The following DHX32 variants were observed in gnomAD, a reference collection of about 807,000 sequenced individuals.
The protein encoded by DHX32 is DEAH-box helicase 32 (putative).
DHX32 carries 51 observed loss-of-function variants against 70.0 expected under a neutral mutation model. The ratio of observed to expected loss-of-function variants is 0.73; its 90% CI spans 0.58 to 0.92. The LOEUF (loss-of-function observed/expected upper bound fraction) is 0.92, where lower values mean the gene tolerates loss of function less well. Ranked by LOEUF, DHX32 falls within the 40% of genes least tolerant of loss-of-function variation. The pLI is 0.00. For missense variants in DHX32, 762 were observed against 891.8 expected (o/e 0.85, Z 1.85); for synonymous variants, 310 against 315.3 (o/e 0.98, Z 0.18).
Position 125,866,951 on chromosome 10 carries a change from A to C in DHX32, c.476+39T>G. 1 of 1,580,556 alleles carries C rather than the reference A, an allele frequency of 6.3e-7. No individual in the cohort carries two copies. The highest frequency in any genetic ancestry group is 8.6e-7 in the Non-Finnish European group (1 of 1,159,266). On this transcript the variant is annotated intron_variant, in intron 2 of 10. Coordinates refer to ENST00000284690, the MANE Select transcript of DHX32 (RefSeq NM_018180.3). This position sits in a 1 kb window ranked among gnomAD's most constrained non-coding sequence, Gnocchi z 4.8. ...TCAGAATTGTAGAACCTAAGCCAAGAATCATCAGCAGGGAGCGGACTGAAC... is the reference window on the plus strand; with the variant it reads ...TCAGAATTGTAGAACCTAAGCCAAGCATCATCAGCAGGGAGCGGACTGAAC...
chr10:125,836,870 CA>C lies in DHX32; in HGVS notation c.2064-16del. On this transcript the variant is annotated splice_polypyrimidine_tract_variant and intron_variant, in intron 10 of 10. Coordinates refer to ENST00000284690, the MANE Select transcript of DHX32 (RefSeq NM_018180.3). The stretch of plus-strand genomic sequence containing the variant: ...GCTGCATAAATCTGTTTATTTAAGA[CA>C]AAAAGATGAGATTATGAGTGGGGAA... The C allele has an allele frequency of 6.2e-7, 1 of 1,611,432 alleles. No homozygotes were observed. Among genetic ancestry groups the C allele is most frequent in the Non-Finnish European group, 8.5e-7 (1 of 1,178,230 alleles).
rs946593355 is a variant in DHX32, at chr10:125,892,017, A to G, written c.-248+4201T>C. 1.4e-3 allele frequency among the ~76,000 whole-genome samples: 208 copies of G among 152,292 alleles called. 3 individuals are homozygous for G. The highest frequency in any genetic ancestry group is 4.3e-3 in the African/African-American group (177 of 41,584). Reference sequence around the variant, plus strand: ...CTTTTTCCTTTCGTTCCAGACCCACATGTCCAACTACTACTACTTATGGGA... The same window carrying G: ...CTTTTTCCTTTCGTTCCAGACCCACGTGTCCAACTACTACTACTTATGGGA... On this transcript the variant is annotated intron_variant, in intron 1 of 2. Coordinates refer to the DHX32 transcript ENST00000415732.
At chr10:125,856,733 G>C (rs1257280049) in intron 3 of DHX32, among the ~76,000 whole-genome samples, 2 of 152,054 alleles carry the variant, frequency 1.3e-5, no homozygotes, top group African/African-American at 2.4e-5. Context: ...ACTGCTTGAG[G>C]CCAGGAGTTC....
rs141859534 is a variant in DHX32, at chr10:125,841,235, T to C, written c.1544-239A>G. On this transcript the variant is annotated intron_variant, in intron 7 of 10. Transcript: ENST00000284690. ...TAAGGTCAACTGAATATGGTTAATA[T>C]CCTGCTTCTATTCCGGCAGGAGCAG... 1.2e-5 allele frequency: 19 copies of C among 1,608,416 alleles called. No homozygotes were observed. The East Asian group carries it at 3.8e-4, about 32-fold the overall frequency.
intron 6 of DHX32, chr10:125,842,623 T>C (rs1854913768): frequency 6.3e-6 from 1 of 159,248 alleles, no homozygotes; most frequent in South Asian, 2.0e-4. Context: ...TACAAAAATA[T>C]TCAGTGCCCA....
chr10:125,881,162 A>ATTTT lies in DHX32; in HGVS notation c.-342_-339dup. 1 of 177,398 alleles carries ATTTT rather than the reference A, an allele frequency of 5.6e-6. No homozygotes were observed. Among genetic ancestry groups the ATTTT allele is most frequent in the Admixed American group, 6.3e-5 (1 of 15,782 alleles). The allele number at this position is 177,398 out of a possible 1,614,324, so 11.0% of individuals were successfully genotyped here. ...CACAGGAGTTCAAATGAAAAGCATT[A>ATTTT]TTTTTTTTTTTTCTGTTAACGGGTT... On this transcript the variant is annotated 5_prime_UTR_variant, in exon 1 of 11. Transcript: ENST00000284690.
chr10:125,844,050 C>T (rs1490516777), intron 6 of DHX32, among the ~76,000 whole-genome samples: 3 of 152,288 alleles, frequency 2.0e-5, no homozygotes, highest in Non-Finnish European at 2.9e-5. Context: ...ACAGCATTAC[C>T]GTCTTACTTG....
intron 8 of DHX32, 123 bp from the exon 9 acceptor site, chr10:125,839,311 G>C: frequency 1.1e-6 from 1 of 948,734 alleles, no homozygotes; most frequent in Non-Finnish European, 1.5e-6. Flanking sequence ...GGCCACGTAG[G>C]TGAGTGGCAG....
Position 125,846,349 on chromosome 10 carries a change from GA to G in DHX32, c.1352-4416del, listed in dbSNP as rs560528993. Among the ~76,000 whole-genome samples the G allele has an allele frequency of 1.6e-4, 25 of 151,964 alleles. 1 individual carries two copies. In the South Asian group the frequency reaches 4.4e-3, roughly 27 times the overall value. ...CCCCAGAACAACCTAGAAAAATCAGGAAAAAAAATGCATGGGTTTTAAAATG... is the reference window on the plus strand; with the variant it reads ...CCCCAGAACAACCTAGAAAAATCAGGAAAAAAATGCATGGGTTTTAAAATG... On this transcript the variant is annotated intron_variant, in intron 6 of 10. Transcript: ENST00000284690.
intron 6 of DHX32, among the ~76,000 whole-genome samples, chr10:125,849,153 G>A (rs1456173108): frequency 2.6e-5 from 4 of 152,138 alleles, no homozygotes; most frequent in Non-Finnish European, 4.4e-5. Flanking sequence ...TGAATTCATC[G>A]CAAAATAAAC....
At chr10:125,850,168 G>A (rs1211046574) in intron 6 of DHX32, among the ~76,000 whole-genome samples, 1 of 151,052 alleles carries the variant, frequency 6.6e-6, no homozygotes, top group African/African-American at 2.4e-5. Context: ...GTAGAGATGG[G>A]GTCTTGTTAT....
chr10:125,855,206 G>A (rs1175903910), intron 3 of DHX32, among the ~76,000 whole-genome samples: 1 of 149,072 alleles, frequency 6.7e-6, no homozygotes, highest in Non-Finnish European at 1.5e-5. Flanking sequence ...TGGCAACAGA[G>A]TGAGACTCCG....
intron 6 of DHX32, among the ~76,000 whole-genome samples, chr10:125,846,458 G>A (rs1944021890): frequency 1.3e-5 from 2 of 152,152 alleles, no homozygotes; most frequent in Admixed American, 1.3e-4. Context: ...TAAGGGTGAG[G>A]CTCAAATTAT....
chr10:125,884,403 T>C (rs1232593077), upstream of DHX32, among the ~76,000 whole-genome samples: 1 of 152,240 alleles, frequency 6.6e-6, no homozygotes, highest in Non-Finnish European at 1.5e-5. Context: ...AACTGTTCTG[T>C]TGTAAGTATA....
At position 125,855,448 on chromosome 10, in the gene DHX32, G is replaced by GTTTT. The variant is rs777479193; in HGVS notation, c.850-1249_850-1246dup. On this transcript the variant is annotated intron_variant, in intron 3 of 10. Coordinates refer to ENST00000284690, the MANE Select transcript of DHX32 (RefSeq NM_018180.3). ...GAGCAATTTCCTATCAAGATAAACT[G>GTTTT]TTTTTTTTTTTTTTTTTTGAGATGG... Among the ~76,000 whole-genome samples, 9 of 121,456 alleles carry GTTTT rather than the reference G, an allele frequency of 7.4e-5. No homozygotes were observed. In the South Asian group the frequency reaches 8.1e-4, roughly 11 times the overall value. 79.7% of individuals were successfully genotyped at this position (121,456 alleles called of 152,430 possible).
intron 1 of DHX32, chr10:125,890,640 A>ATAC (rs1395715826): frequency 2.6e-5 from 4 of 152,330 alleles, no homozygotes; most frequent in African/African-American, 9.6e-5. Context: ...ATAACAACAG[A>ATAC]TACTACAGTT....
chr10:125,853,849 C>T, intron 4 of DHX32, 112 bp downstream of exon 4: 1 of 1,354,272 alleles, frequency 7.4e-7, no homozygotes, highest in South Asian at 1.5e-5. Flanking sequence ...TTCAACGAAT[C>T]CCCAGGTCAC....
chr10:125,863,614 A>T lies in DHX32; in HGVS notation c.476+3376T>A, dbSNP rs899393404. On this transcript the variant is annotated intron_variant, in intron 2 of 10. Coordinates refer to ENST00000284690, the MANE Select transcript of DHX32 (RefSeq NM_018180.3). ...AGGCACCTGCCACCACTCCCAGCTA[A>T]TTTTTTTTGTATTTTTAGTAGAGAC... Among the ~76,000 whole-genome samples, 7 of 151,706 alleles carry T rather than the reference A, an allele frequency of 4.6e-5. No individual in the cohort carries two copies. In the East Asian group the frequency reaches 1.4e-3, roughly 30 times the overall value.
intron 4 of DHX32, chr10:125,853,160 C>T (rs759419242): frequency 6.2e-7 from 1 of 1,612,902 alleles, no homozygotes; most frequent in Non-Finnish European, 8.5e-7. Flanking sequence ...CCTGGTTTCT[C>T]TGAAGGCTGG....
Sources: allele counts gnomAD v4.1 joint callset (sites outside exome capture counted in the v4.1 genomes callset), GRCh38; gene constraint gnomAD v4.1.1; non-coding constraint Gnocchi (gnomAD v3.1); transcripts MANE v1.5; gene names NCBI Gene and HGNC (gene_info 2026-07-23, HGNC 2026-07-21).